Variants in ZFYVE26 observed in about 807,000 individuals in gnomAD.
ZFYVE26 encodes the protein zinc finger FYVE domain-containing protein 26.
A neutral mutation model predicts 276.5 loss-of-function variants in ZFYVE26; 181 were observed. That is an observed-to-expected ratio of 0.65 (90% CI 0.58 to 0.74). The LOEUF (loss-of-function observed/expected upper bound fraction) is 0.74, where lower values mean the gene tolerates loss of function less well. ZFYVE26 is among the 30% of genes least tolerant of loss of function. The pLI is 0.00. For missense variants in ZFYVE26, 2,821 were observed against 3,097.9 expected, an observed-to-expected ratio of 0.91 and a Z score of 2.12; for synonymous variants, 1,129 against 1,203.1, an observed-to-expected ratio of 0.94 and a Z score of 1.27.
chr14:67,802,190 C>T lies in ZFYVE26; in HGVS notation c.1528G>A (p.Ala510Thr). 5.6e-6 allele frequency: 9 copies of T among 1,614,152 alleles called. No homozygotes were observed. Among genetic ancestry groups the T allele is most frequent in the Non-Finnish European group, 7.6e-6 (9 of 1,180,036 alleles). ...GFCAMKYAIY[A>T]LCVNSHQHSQ... Reference sequence around the variant, plus strand: ...TGCTGGTGTGAGTTTACACAGAGGGCATAGATGGCATACTTCATGGCACAG... The same window carrying T: ...TGCTGGTGTGAGTTTACACAGAGGGTATAGATGGCATACTTCATGGCACAG... Residue 510 changes from alanine to threonine, a missense_variant, in exon 10 of 42, where the codon GCC (alanine) becomes ACC (threonine). Ala to Thr is a moderately conservative substitution (Grantham distance 58). Coordinates refer to ENST00000347230, the MANE Select transcript of ZFYVE26 (RefSeq NM_015346.4).
At chr14:67,777,412 T>C in intron 25 of ZFYVE26, 147 bp downstream of exon 25, 1 of 1,275,604 alleles carries the variant, frequency 7.8e-7, no homozygotes, top group South Asian at 1.3e-5. Context: ...GGATGGCAGG[T>C]GCCTGGCAAA....
rs757534059 is a variant in ZFYVE26 at position 67,775,068 on chromosome 14, G to A, written c.5268C>T (p.Pro1756=). 1.2e-5 allele frequency: 20 copies of A among 1,612,814 alleles called. No individual in the cohort carries two copies. Among genetic ancestry groups the A allele is most frequent in the South Asian group, 5.5e-5 (5 of 90,560 alleles). ...LQEIVHQAAD[P]ETLPRSPSAE... ...CTGATGGTGATCTAGGGAGGGTCTC[G>A]GGATCTGCAGCCTGGTGGACAATTT... Residue 1756 remains proline, a synonymous_variant, in exon 27 of 42, where the codon CCC becomes CCT. Transcript: ENST00000347230.
At position 67,781,363 on chromosome 14, in the gene ZFYVE26, C is replaced by T. The variant is rs2039494378; in HGVS notation, c.4539G>A (p.Arg1513=). 6.2e-7 allele frequency: 1 copy of T among 1,614,100 alleles called. No homozygotes were observed. The highest frequency in any genetic ancestry group is 1.7e-5 in the Admixed American group (1 of 60,010). ...VQEGLKCELQ[R]KLAELQVYQK... is the part of the protein sequence containing the mutation. Reference sequence around the variant, plus strand: ...GATACACCTGCAGCTCCGCCAGCTTCCTCTGTAGCTCACACTTTAGTCCTT... The same window carrying T: ...GATACACCTGCAGCTCCGCCAGCTTTCTCTGTAGCTCACACTTTAGTCCTT... The change falls in exon 22 of 42, where the codon AGG becomes AGA. Residue 1513 remains arginine (R), a synonymous_variant. Transcript: ENST00000347230.
Position 67,802,450 on chromosome 14 carries a change from G to A in ZFYVE26, c.1436-168C>T, listed in dbSNP as rs1415057842. Reference sequence around the variant, plus strand: ...TGTCACTTCTAGGGCTTTTCCTCAAGTCAGTATCAACTTTCAGTTCCCTGC... The same window carrying A: ...TGTCACTTCTAGGGCTTTTCCTCAAATCAGTATCAACTTTCAGTTCCCTGC... On this transcript the variant is annotated intron_variant, in intron 9 of 41. Coordinates refer to ENST00000347230, the MANE Select transcript of ZFYVE26 (RefSeq NM_015346.4). Among the ~76,000 whole-genome samples, 7 of 152,146 alleles carry A rather than the reference G, an allele frequency of 4.6e-5. No individual in the cohort carries two copies. The South Asian group carries it at 1.4e-3, about 32-fold the overall frequency.
chr14:67,748,735 T>C lies in ZFYVE26; in HGVS notation c.7417-96A>G, dbSNP rs1381999217. The C allele has an allele frequency of 4.8e-6, 6 of 1,241,838 alleles. No homozygotes were observed. In the Admixed American group the frequency reaches 5.8e-5, roughly 12 times the overall value. 76.9% of individuals were successfully genotyped at this position (1,241,838 alleles called of 1,614,324 possible). On this transcript the variant is annotated intron_variant, in intron 41 of 41. Coordinates refer to ENST00000347230, the MANE Select transcript of ZFYVE26 (RefSeq NM_015346.4). ...AGAAAGCTCGGGCAGACAGACACCA[T>C]GTCTCACCTGCCACGTTCATAACAG...
chr14:67,807,942 G>A, intron 4 of ZFYVE26, 22 bp from the exon 5 acceptor site: 14 of 1,614,080 alleles, frequency 8.7e-6, no homozygotes, highest in Non-Finnish European at 1.2e-5. Context: ...ATGAAGAAAA[G>A]GATGGGTGGT....
intron 13 of ZFYVE26, among the ~76,000 whole-genome samples, chr14:67,737,093 T>C (rs1263061064): frequency 3.4e-5 from 5 of 148,340 alleles, no homozygotes; most frequent in African/African-American, 7.4e-5. Context: ...CTTTTCTTTT[T>C]TTTTTTTTTT....
At chr14:67,788,175 C>T (rs192816086) in intron 16 of ZFYVE26, among the ~76,000 whole-genome samples, 120 of 151,994 alleles carry the variant, frequency 7.9e-4, no homozygotes, top group African/African-American at 2.6e-3. Flanking sequence ...CGGATCATTA[C>T]GTCAGGAGTT....
chr14:67,783,351 G>A lies in ZFYVE26; in HGVS notation c.3801C>T (p.Asp1267=), dbSNP rs2039559128. The part of the protein sequence containing the change: ...AQLHASHCLD[D]LPLSTPSSPR... The stretch of plus-strand genomic sequence containing the variant: ...GGGAGCTCGGTGTAGAAAGTGGGAG[G>A]TCATCCAGGCAGTGAGAGGCGTGTA... The change falls in exon 21 of 42, where the codon GAC becomes GAT. Residue 1267 remains aspartate (D), a synonymous_variant. Transcript: ENST00000347230. 2 of 1,613,030 alleles carry A rather than the reference G, an allele frequency of 1.2e-6. No homozygotes were observed.
chr14:67,804,896 G>T (rs576230570), intron 8 of ZFYVE26, among the ~76,000 whole-genome samples: 1 of 152,200 alleles, frequency 6.6e-6, no homozygotes, highest in Non-Finnish European at 1.5e-5. Context: ...TAGGATTATT[G>T]TGAGGCTTAA....
chr14:67,813,394 A>C (rs2040340527), intron 3 of ZFYVE26, among the ~76,000 whole-genome samples: 1 of 152,162 alleles, frequency 6.6e-6, no homozygotes, highest in South Asian at 2.1e-4. Context: ...TAATTCTTTT[A>C]TAAGATATAA....
Position 67,752,326 on chromosome 14 carries a change from G to A in ZFYVE26, c.7371+18C>T, listed in dbSNP as rs149769693. On this transcript the variant is annotated intron_variant, in intron 40 of 41. Transcript: ENST00000347230. ...CTGAAATTGATGGAGGAGCCAAGAG[G>A]TACGGGAGGGAGTGTACCTGGGGCG... is the stretch of plus-strand genomic sequence containing the variant. 5,091 of 1,603,442 alleles carry A rather than the reference G, an allele frequency of 3.2e-3. 20 individuals are homozygous for A. Among genetic ancestry groups the A allele is most frequent in the Middle Eastern group, 0.01 (60 of 5,880 alleles).
In ZFYVE26 at chr14:67,787,605, C is replaced by A. The variant is rs749861141; in HGVS notation, c.3020-1372G>T. 2.8e-4 allele frequency among the ~76,000 whole-genome samples: 43 copies of A among 151,372 alleles called. 1 individual carries two copies. Among genetic ancestry groups the A allele is most frequent in the South Asian group, 2.1e-4 (1 of 4,792 alleles). The stretch of plus-strand genomic sequence containing the variant: ...ATAAATACATACACCGACTATGCAC[C>A]CACACACACACACAAATTCCTCATT... On this transcript the variant is annotated intron_variant, in intron 16 of 41. Coordinates refer to ENST00000347230, the MANE Select transcript of ZFYVE26 (RefSeq NM_015346.4).
intron 19 of ZFYVE26, 127 bp from the exon 20 acceptor site, chr14:67,784,563 T>A: frequency 1.2e-6 from 1 of 822,282 alleles, no homozygotes; most frequent in African/African-American, 1.7e-5. Flanking sequence ...TTCTGTTAAT[T>A]CATTCTAGGT....
intron 14 of ZFYVE26, among the ~76,000 whole-genome samples, chr14:67,791,532 A>G (rs897340740): frequency 6.6e-6 from 1 of 152,174 alleles, no homozygotes; most frequent in African/African-American, 2.4e-5. Flanking sequence ...TAAATTTTTA[A>G]TATTGGTTGT....
intron 13 of ZFYVE26, among the ~76,000 whole-genome samples, chr14:67,731,987 C>T (rs967312912): frequency 6.6e-6 from 1 of 151,636 alleles, no homozygotes; most frequent in African/African-American, 2.4e-5. Context: ...ATTAGCTGAT[C>T]ATGTTGGTGG....
At chr14:67,800,483 G>GT (rs1249454756) in intron 10 of ZFYVE26, among the ~76,000 whole-genome samples, 1 of 151,874 alleles carries the variant, frequency 6.6e-6, no homozygotes, top group Non-Finnish European at 1.5e-5. Context: ...CAGTTTTTTG[G>GT]TTAAAAAAAA....
intron 35 of ZFYVE26, among the ~76,000 whole-genome samples, chr14:67,759,886 G>C (rs2038888741): frequency 6.6e-6 from 1 of 152,236 alleles, no homozygotes; most frequent in East Asian, 1.9e-4. Context: ...TGGGCAAAGG[G>C]ACAAAATACA....
chr14:67,770,740 GTTGTCA>G (rs1286805639), intron 28 of ZFYVE26, among the ~76,000 whole-genome samples: 1 of 152,124 alleles, frequency 6.6e-6, no homozygotes, highest in East Asian at 1.9e-4. Flanking sequence ...AAGGCCAACT[GTTGTCA>G]TTATTAGAAT....
Sources: allele counts gnomAD v4.1 joint callset (sites outside exome capture counted in the v4.1 genomes callset), GRCh38; gene constraint gnomAD v4.1.1; transcripts MANE v1.5; gene names NCBI Gene and HGNC (gene_info 2026-07-23, HGNC 2026-07-21).